Variants in MCPH1 observed in about 807,000 individuals in gnomAD.
MCPH1 encodes the protein microcephalin 1.
MCPH1 carries 104 observed loss-of-function variants against 84.5 expected under a neutral mutation model. That is an observed-to-expected ratio of 1.23 (90% CI 1.05 to 1.45). The LOEUF (loss-of-function observed/expected upper bound fraction) is 1.45, where lower values mean the gene tolerates loss of function less well. MCPH1 is among the 40% of genes most tolerant of loss of function. MCPH1 has a pLI of 0.00. For synonymous variants in MCPH1, 514 were observed against 366.8 expected (o/e 1.40, Z -4.58); for missense variants, 1,498 against 1,005.7 (o/e 1.49, Z -6.62).
chr8:6,483,810 A>G (rs557165616), intron 11 of MCPH1, among the ~76,000 whole-genome samples: 4 of 152,290 alleles, frequency 2.6e-5, no homozygotes, highest in African/African-American at 9.6e-5. Context: ...CAAAGAGCCA[A>G]TACCATGCCA....
At chr8:6,553,860 T>C (rs1824119936) in intron 12 of MCPH1, among the ~76,000 whole-genome samples, 1 of 152,090 alleles carries the variant, frequency 6.6e-6, no homozygotes, top group Non-Finnish European at 1.5e-5. Context: ...GGCTGTGGAT[T>C]TACATGTAAG....
intron 12 of MCPH1, among the ~76,000 whole-genome samples, chr8:6,595,770 C>T (rs2129577943): frequency 6.6e-6 from 1 of 152,218 alleles, no homozygotes; most frequent in African/African-American, 2.4e-5. Flanking sequence ...CCGGCTGCTG[C>T]ACAGGGAAGA....
chr8:6,535,676 G>A (rs1820355986), intron 12 of MCPH1, among the ~76,000 whole-genome samples: 1 of 152,140 alleles, frequency 6.6e-6, no homozygotes, highest in African/African-American at 2.4e-5. Flanking sequence ...TGACTGCATT[G>A]CTAATTAATT....
At chr8:6,617,268 GTTTTTTTTGTTT>G (rs1397636891) in intron 12 of MCPH1, 6 of 121,316 alleles carry the variant, frequency 4.9e-5, no homozygotes, top group South Asian at 2.5e-4. Context: ...GGGGGGGGGT[GTTTTTTTTGTTT>G]TTTTTTTTGT....
At chr8:6,518,811 C>T (rs1027084537) in intron 12 of MCPH1, among the ~76,000 whole-genome samples, 1 of 152,272 alleles carries the variant, frequency 6.6e-6, no homozygotes, top group Middle Eastern at 3.4e-3. Flanking sequence ...ATACAGTTAT[C>T]CAGTAGTTAC....
chr8:6,422,143 G>A (rs964066796), intron 3 of MCPH1, among the ~76,000 whole-genome samples: 11 of 152,072 alleles, frequency 7.2e-5, no homozygotes, highest in African/African-American at 2.7e-4. Context: ...CATGCATTTT[G>A]TCTTTCTATT....
chr8:6,589,397 T>C (rs1228258772), intron 12 of MCPH1, among the ~76,000 whole-genome samples: 1 of 152,224 alleles, frequency 6.6e-6, no homozygotes. Context: ...GATATTGACA[T>C]GAAAACAGGA....
intron 12 of MCPH1, among the ~76,000 whole-genome samples, chr8:6,524,019 A>T (rs1461386400): frequency 2.0e-5 from 3 of 152,104 alleles, no homozygotes; most frequent in Admixed American, 6.5e-5. Flanking sequence ...CAATATCTTC[A>T]TTTTGTTTGT....
chr8:6,569,473 G>A (rs1212832391), intron 12 of MCPH1, among the ~76,000 whole-genome samples: 1 of 152,170 alleles, frequency 6.6e-6, no homozygotes, highest in Non-Finnish European at 1.5e-5. Flanking sequence ...ATGCGAGGAA[G>A]GACAGTTCCA....
intron 12 of MCPH1, among the ~76,000 whole-genome samples, chr8:6,595,849 A>G (rs1482473231): frequency 6.6e-6 from 1 of 152,220 alleles, no homozygotes; most frequent in Non-Finnish European, 1.5e-5. Flanking sequence ...TGGGCAGGCA[A>G]CGGCCCTTTA....
chr8:6,464,212 G>T (rs1806592774), intron 9 of MCPH1, among the ~76,000 whole-genome samples: 1 of 152,178 alleles, frequency 6.6e-6, no homozygotes, highest in Admixed American at 6.5e-5. Context: ...TCAGTGATCT[G>T]TAATTGCTTT....
chr8:6,588,234 C>A (rs1343943684), intron 12 of MCPH1, among the ~76,000 whole-genome samples: 1 of 152,202 alleles, frequency 6.6e-6, no homozygotes, highest in East Asian at 1.9e-4. Context: ...ATAGCAGCAG[C>A]TGCTCTCAGT....
intron 13 of MCPH1, chr8:6,626,696 A>C (rs1198012840): frequency 1.0e-6 from 1 of 985,114 alleles, no homozygotes; most frequent in African/African-American, 1.7e-5. Flanking sequence ...TAAGTCACGA[A>C]ACGAAGACCC....
chr8:6,434,163 A>G (rs1585735497), intron 4 of MCPH1, among the ~76,000 whole-genome samples: 1 of 152,300 alleles, frequency 6.6e-6, no homozygotes, highest in East Asian at 1.9e-4. Context: ...AACACACTGT[A>G]GTAATGTGGG....
At chr8:6,508,649 G>A (rs1012326144) in intron 12 of MCPH1, 13 of 580,666 alleles carry the variant, frequency 2.2e-5, no homozygotes, top group East Asian at 1.1e-4. Context: ...AAGCACAAAC[G>A]CAGGAGAGCT....
At chr8:6,527,795 C>T in intron 12 of MCPH1, 14 of 952,564 alleles carry the variant, frequency 1.5e-5, no homozygotes, top group East Asian at 2.8e-5. Flanking sequence ...TATTTATTAA[C>T]CCAAGTATCT....
At chr8:6,616,934 C>T (rs1419269516) in intron 12 of MCPH1, 1 of 152,178 alleles carries the variant, frequency 6.6e-6, no homozygotes, top group Non-Finnish European at 1.5e-5. Context: ...CCATTTGAGG[C>T]CTGCTCACGG....
chr8:6,492,549 ATGCCTGTGTCC>A (rs1012787848), intron 11 of MCPH1, among the ~76,000 whole-genome samples: 3 of 151,698 alleles, frequency 2.0e-5, no homozygotes, highest in African/African-American at 7.3e-5. Flanking sequence ...GTCCTTGTCC[ATGCCTGTGTCC>A]TGAATATTAT....
At chr8:6,493,671 T>G (rs1290079891) in intron 11 of MCPH1, among the ~76,000 whole-genome samples, 2 of 152,162 alleles carry the variant, frequency 1.3e-5, no homozygotes, top group African/African-American at 4.8e-5. Context: ...CTGCTCAGGC[T>G]TGAGGTGAGG....
Sources: allele counts gnomAD v4.1 joint callset (sites outside exome capture counted in the v4.1 genomes callset), GRCh38; gene constraint gnomAD v4.1.1; transcripts MANE v1.5; gene names NCBI Gene and HGNC (gene_info 2026-07-23, HGNC 2026-07-21).